Variants in HDAC8 observed in about 807,000 individuals in gnomAD.
HDAC8 encodes histone deacetylase 8.
A neutral mutation model predicts 32.2 loss-of-function variants in HDAC8; 1 was observed. The ratio of observed to expected loss-of-function variants is 0.03; its 90% CI spans 0.01 to 0.15. HDAC8 has a LOEUF of 0.15. HDAC8 is among the 10% of genes least tolerant of loss of function. HDAC8 has a pLI of 1.00. For missense variants in HDAC8, 117 were observed against 300.0 expected (o/e 0.39, Z 4.51); for synonymous variants, 108 against 113.9 (o/e 0.95, Z 0.33).
chrX:72,426,993 C>T (rs927848859), intron 9 of HDAC8, among the ~76,000 whole-genome samples: 7 of 110,096 alleles, frequency 6.4e-5, no homozygotes, highest in African/African-American at 9.9e-5. Context: ...GAGCCCTCAC[C>T]AGAAACTGTG....
At chrX:72,466,924 G>A (rs1218363370) in intron 7 of HDAC8, 1 of 111,630 alleles carries the variant, frequency 9.0e-6, no homozygotes, top group African/African-American at 3.3e-5. Flanking sequence ...AAATCTGGGT[G>A]GCTCTCAAGG....
chrX:72,362,441 GC>G (rs1555953008), intron 9 of HDAC8, among the ~76,000 whole-genome samples: 1 of 111,816 alleles, frequency 8.9e-6, no homozygotes, highest in African/African-American at 3.3e-5. Context: ...AGATTACCCA[GC>G]CTCAGGTATT....
chrX:72,545,075 G>A (rs1556050327), intron 4 of HDAC8, among the ~76,000 whole-genome samples: 1 of 111,605 alleles, frequency 9.0e-6, no homozygotes, highest in East Asian at 2.8e-4. Context: ...CTAGCAGTGT[G>A]AGGGGTGGGT....
At chrX:72,395,615 T>A (rs1318067736) in intron 9 of HDAC8, among the ~76,000 whole-genome samples, 1 of 111,527 alleles carries the variant, frequency 9.0e-6, no homozygotes, top group African/African-American at 3.3e-5. Flanking sequence ...ACAAGGAAAG[T>A]TTTTTCCCCC....
In HDAC8 at chrX:72,551,612, C is replaced by G. The variant is rs75489592; in HGVS notation, c.437+16277G>C. Among the ~76,000 whole-genome samples the G allele has an allele frequency of 7.4e-3, 826 of 111,198 alleles. 31 individuals carry two copies. The East Asian group carries it at 0.16, about 21-fold the overall frequency. ...CCAACTGCCTTCAAGTAATAAGAAC[C>G]TCCTGTATAACTCTTTGTTTCCTCA... On this transcript the variant is annotated intron_variant, in intron 4 of 10. Transcript: ENST00000373573.
intron 9 of HDAC8, among the ~76,000 whole-genome samples, chrX:72,386,826 A>G (rs782592146): frequency 8.9e-6 from 1 of 111,916 alleles, no homozygotes; most frequent in African/African-American, 3.2e-5. Context: ...TCTTCAGAAC[A>G]TTCTCAAAAT....
chrX:72,570,233 A>G (rs1247646415), intron 2 of HDAC8, among the ~76,000 whole-genome samples: 2 of 111,917 alleles, frequency 1.8e-5, no homozygotes, highest in Non-Finnish European at 3.8e-5. Flanking sequence ...CTCGGACCGT[A>G]TTTCCCAGTC....
chrX:72,397,102 G>A (rs1416136123), intron 9 of HDAC8, among the ~76,000 whole-genome samples: 1 of 110,048 alleles, frequency 9.1e-6, no homozygotes, highest in Admixed American at 9.7e-5. Flanking sequence ...GTGATGGGGG[G>A]AAGTGCCACA....
chrX:72,435,646 A>T (rs1192988179), intron 9 of HDAC8, among the ~76,000 whole-genome samples: 2 of 112,150 alleles, frequency 1.8e-5, no homozygotes, highest in Non-Finnish European at 3.8e-5. Context: ...GATGGGCTAA[A>T]TAGAAGAATG....
Position 72,376,130 on chromosome X carries a change from A to C in HDAC8, c.1006-24292T>G, listed in dbSNP as rs138456232. ...CACCATGTTGCCCAGGCTAGTCTTG[A>C]ACTCCTGAGCTCAAGCGATCCTCAC... On this transcript the variant is annotated intron_variant, in intron 9 of 10. Transcript: ENST00000373573. Among the ~76,000 whole-genome samples, 875 of 109,617 alleles carry C rather than the reference A, an allele frequency of 8.0e-3. 10 individuals are homozygous for C. Among genetic ancestry groups the C allele is most frequent in the African/African-American group, 0.028 (829 of 30,041 alleles).
intron 9 of HDAC8, among the ~76,000 whole-genome samples, chrX:72,428,067 A>G (rs2046701004): frequency 8.9e-6 from 1 of 111,878 alleles, no homozygotes; most frequent in Admixed American, 9.4e-5. Flanking sequence ...CAATGATTCC[A>G]TGTCTCTGGC....
intron 9 of HDAC8, among the ~76,000 whole-genome samples, chrX:72,453,470 A>C (rs1258002730): frequency 3.2e-5 from 3 of 94,727 alleles, no homozygotes; most frequent in African/African-American, 8.0e-5. Context: ...AAAATAAAGA[A>C]AGAAAGAAAG....
At chrX:72,390,098 A>G (rs1314026381) in intron 9 of HDAC8, among the ~76,000 whole-genome samples, 1 of 111,643 alleles carries the variant, frequency 9.0e-6, no homozygotes, top group Non-Finnish European at 1.9e-5. Flanking sequence ...ATTTTGATAC[A>G]GGCATACATG....
intron 4 of HDAC8, among the ~76,000 whole-genome samples, chrX:72,505,968 C>T (rs962102408): frequency 3.6e-5 from 4 of 111,579 alleles, no homozygotes; most frequent in Non-Finnish European, 7.5e-5. Context: ...CAAGTTTTCT[C>T]CCTCCCACCT....
intron 9 of HDAC8, among the ~76,000 whole-genome samples, chrX:72,417,965 G>A (rs1555972352): frequency 9.0e-6 from 1 of 111,539 alleles, no homozygotes; most frequent in South Asian, 3.7e-4. Flanking sequence ...ATAAACAATG[G>A]GGAAAGCATA....
chrX:72,526,896 T>A (rs2050169212), intron 4 of HDAC8, among the ~76,000 whole-genome samples: 1 of 111,293 alleles, frequency 9.0e-6, no homozygotes, highest in Admixed American at 9.6e-5. Flanking sequence ...TGCCATTGGC[T>A]TCATTATCGC....
chrX:72,516,667 C>G (rs1172964846), intron 4 of HDAC8, among the ~76,000 whole-genome samples: 1 of 111,958 alleles, frequency 8.9e-6, no homozygotes, highest in Non-Finnish European at 1.9e-5. Context: ...ACTGCAGACA[C>G]ACATTAAACA....
At chrX:72,489,593 A>C (rs1238431487) in intron 6 of HDAC8, among the ~76,000 whole-genome samples, 1 of 110,410 alleles carries the variant, frequency 9.1e-6, no homozygotes, top group African/African-American at 3.3e-5. Flanking sequence ...CCTTATACAA[A>C]AATTAATTCA....
At chrX:72,468,794 ATTCATTCATTCAT>A (rs1412897666) in intron 7 of HDAC8, among the ~76,000 whole-genome samples, 1 of 112,279 alleles carries the variant, frequency 8.9e-6, no homozygotes, top group African/African-American at 3.2e-5. Flanking sequence ...TATAATATTC[ATTCATTCATTCAT>A]TTCATTCATT....
Sources: allele counts gnomAD v4.1 joint callset (sites outside exome capture counted in the v4.1 genomes callset), GRCh38; gene constraint gnomAD v4.1.1; transcripts MANE v1.5; gene names NCBI Gene and HGNC (gene_info 2026-07-23, HGNC 2026-07-21).